The following MBOAT2 variants were observed in gnomAD, a reference collection of about 807,000 sequenced individuals.
The protein encoded by MBOAT2 is membrane-bound glycerophospholipid O-acyltransferase 2.
A neutral mutation model predicts 63.4 loss-of-function variants in MBOAT2; 28 were observed. The ratio of observed to expected loss-of-function variants is 0.44; its 90% CI spans 0.33 to 0.61. The LOEUF is 0.61. Ranked by LOEUF, MBOAT2 falls within the 20% of genes least tolerant of loss-of-function variation. The pLI is 0.03. For missense variants in MBOAT2, 470 were observed against 605.8 expected (o/e 0.78, Z 2.35); for synonymous variants, 211 against 215.6 (o/e 0.98, Z 0.19).
chr2:8,901,217 G>A (rs1176779047), intron 4 of MBOAT2, among the ~76,000 whole-genome samples: 2 of 152,048 alleles, frequency 1.3e-5, no homozygotes, highest in African/African-American at 2.4e-5. Context: ...AAACAACCCT[G>A]CCCAAGAACC....
At chr2:8,946,329 T>C (rs1668411506) in intron 2 of MBOAT2, among the ~76,000 whole-genome samples, 3 of 152,192 alleles carry the variant, frequency 2.0e-5, no homozygotes, top group Admixed American at 2.0e-4. Flanking sequence ...CTCTATTCCA[T>C]TACCCTATAG....
chr2:8,854,600 T>C lies in MBOAT2; in HGVS notation c.*4079A>G, dbSNP rs1229671557. On this transcript the variant is annotated 3_prime_UTR_variant, in exon 13 of 13. Transcript: ENST00000305997. ...AGTAATTTTTCTTTCAATTATAATGTAGAACTGTTAAGACCAATTAACTAA... is the reference window on the plus strand; with the variant it reads ...AGTAATTTTTCTTTCAATTATAATGCAGAACTGTTAAGACCAATTAACTAA... 6.6e-6 allele frequency: 1 copy of C among 152,214 alleles called. No homozygotes were observed. Among genetic ancestry groups the C allele is most frequent in the East Asian group, 1.9e-4 (1 of 5,200 alleles). The allele number at this position is 152,214 out of a possible 1,614,324, so 9.4% of individuals were successfully genotyped here.
chr2:8,863,275 G>A (rs1160939347), intron 10 of MBOAT2, among the ~76,000 whole-genome samples: 1 of 152,182 alleles, frequency 6.6e-6, no homozygotes, highest in Non-Finnish European at 1.5e-5. Context: ...GCACTGTGAA[G>A]AGATGACAGC....
chr2:8,949,226 G>A (rs530537009), intron 2 of MBOAT2, among the ~76,000 whole-genome samples: 3 of 152,188 alleles, frequency 2.0e-5, no homozygotes, highest in East Asian at 3.9e-4. Flanking sequence ...TATAGATGCT[G>A]GATATTAAAC....
At chr2:8,969,235 G>A (rs1573202672) in intron 1 of MBOAT2, among the ~76,000 whole-genome samples, 2 of 152,170 alleles carry the variant, frequency 1.3e-5, no homozygotes, top group East Asian at 3.9e-4. Context: ...TTAAAGAAAA[G>A]AATTTTCAAC....
intron 4 of MBOAT2, 93 bp from the exon 5 acceptor site, chr2:8,888,166 A>C: frequency 8.5e-7 from 1 of 1,178,626 alleles, no homozygotes; most frequent in Non-Finnish European, 1.2e-6. Context: ...TGCTTTTATC[A>C]CTACAAATCC....
At chr2:8,988,340 T>C (rs1305113693) in intron 1 of MBOAT2, among the ~76,000 whole-genome samples, 1 of 152,242 alleles carries the variant, frequency 6.6e-6, no homozygotes, top group Non-Finnish European at 1.5e-5. Flanking sequence ...CATTCATATT[T>C]ATTGTTACTA....
chr2:8,873,620 T>TAA (rs5829193), intron 7 of MBOAT2, among the ~76,000 whole-genome samples: 284 of 152,222 alleles, frequency 1.9e-3, no homozygotes, highest in Middle Eastern at 6.8e-3. Context: ...GAAGTGAATA[T>TAA]AAAAAATTAA....
At chr2:8,946,798 C>T (rs990563664) in intron 2 of MBOAT2, among the ~76,000 whole-genome samples, 11 of 152,100 alleles carry the variant, frequency 7.2e-5, no homozygotes, top group African/African-American at 1.4e-4. Context: ...CTCCACTGAC[C>T]GGCAGTCTCT....
chr2:8,993,938 T>C (rs1172984836), intron 1 of MBOAT2, among the ~76,000 whole-genome samples: 3 of 152,198 alleles, frequency 2.0e-5, no homozygotes, highest in Admixed American at 6.5e-5. Context: ...CGCCAGGTTC[T>C]GACTCCGTGT....
At chr2:8,882,598 G>C (rs368669090) in intron 5 of MBOAT2, 33 bp from the exon 6 acceptor site, 2 of 1,609,176 alleles carry the variant, frequency 1.2e-6, no homozygotes, top group Non-Finnish European at 1.7e-6. Context: ...CATCAATTAA[G>C]ATTTCTCCCC....
intron 2 of MBOAT2, among the ~76,000 whole-genome samples, chr2:8,944,648 GACACACACACACAC>G (rs61107364): frequency 1.4e-5 from 2 of 140,142 alleles, no homozygotes; most frequent in African/African-American, 2.6e-5. Context: ...CTGTTTGACT[GACACACACACACAC>G]ACACACACAC....
intron 2 of MBOAT2, among the ~76,000 whole-genome samples, chr2:8,946,895 C>T (rs1275600467): frequency 6.6e-6 from 1 of 152,202 alleles, no homozygotes; most frequent in African/African-American, 2.4e-5. Flanking sequence ...AATTAACCTA[C>T]AATGGCCTCT....
intron 2 of MBOAT2, among the ~76,000 whole-genome samples, chr2:8,944,480 T>C (rs571746861): frequency 2.0e-5 from 3 of 152,222 alleles, no homozygotes; most frequent in Admixed American, 1.3e-4. Context: ...TCAAATAACT[T>C]TTAATCTTTA....
At chr2:8,970,588 G>GT (rs1670376077) in intron 1 of MBOAT2, among the ~76,000 whole-genome samples, 1 of 152,226 alleles carries the variant, frequency 6.6e-6, no homozygotes, top group Admixed American at 6.5e-5. Flanking sequence ...CCAGCAGCTG[G>GT]TTTTTTGGAA....
intron 1 of MBOAT2, among the ~76,000 whole-genome samples, chr2:8,995,630 A>G (rs1052049624): frequency 2.2e-5 from 3 of 137,816 alleles, no homozygotes; most frequent in Admixed American, 7.8e-5. Context: ...TCGCTCTGTC[A>G]CCCAGGCTGG....
Position 8,873,136 on chromosome 2 carries a change from T to A in MBOAT2, c.855A>T (p.Arg285Ser). The A allele has an allele frequency of 6.2e-7, 1 of 1,614,080 alleles. No homozygotes were observed. Among genetic ancestry groups the A allele is most frequent in the Non-Finnish European group, 8.5e-7 (1 of 1,179,966 alleles). ...GCGTCCATGCAAAATAGTATTTGGG[T>A]CTGGCAGCCAAAAGAGAGATATACA... is the stretch of plus-strand genomic sequence containing the variant. ...IYLYISLLAA[R>S]PKYYFAWTLA... The change falls in exon 8 of 13, where the codon AGA becomes AGT. Residue 285 changes from arginine (R) to serine (S), a missense_variant. Arg to Ser is a moderately radical substitution (Grantham distance 110, BLOSUM62 -1). Transcript: ENST00000305997.
chr2:8,883,042 CT>C (rs1663258691), intron 5 of MBOAT2, among the ~76,000 whole-genome samples: 1 of 152,086 alleles, frequency 6.6e-6, no homozygotes, highest in South Asian at 2.1e-4. Flanking sequence ...ATTTACGTTT[CT>C]CTTCAAAGAG....
chr2:8,958,439 C>A, intron 2 of MBOAT2, 58 bp downstream of exon 2: 1 of 1,452,262 alleles, frequency 6.9e-7, no homozygotes, highest in Non-Finnish European at 9.2e-7. Context: ...TCCACACACT[C>A]AATTCTCAAA....
Sources: gnomAD v4.1 joint callset for allele counts (sites outside exome capture counted in the v4.1 genomes callset) on GRCh38, gnomAD v4.1.1 for gene constraint, MANE v1.5 for transcripts, NCBI Gene and HGNC (gene_info 2026-07-23, HGNC 2026-07-21) for gene names.